Variants in KLHDC1 observed in about 807,000 individuals in gnomAD.
The protein encoded by KLHDC1 is kelch domain containing 1, also known as kelch domain-containing protein 1.
Under a neutral mutation model 68.3 loss-of-function variants are expected in KLHDC1, and 53 were observed. The ratio of observed to expected loss-of-function variants is 0.78; its 90% CI spans 0.62 to 0.98. The LOEUF (loss-of-function observed/expected upper bound fraction) is 0.98, where lower values mean the gene tolerates loss of function less well. Ranked by LOEUF, KLHDC1 falls within the 50% of genes least tolerant of loss-of-function variation. The pLI, the probability that KLHDC1 is intolerant of heterozygous loss-of-function variation, is 0.00. For synonymous variants in KLHDC1, 148 were observed against 159.0 expected, an observed-to-expected ratio of 0.93 and a Z score of 0.52; for missense variants, 470 against 492.3, an observed-to-expected ratio of 0.95 and a Z score of 0.43.
chr14:49,728,924 A>T lies in KLHDC1; in HGVS notation c.568-2A>T. The T allele has an allele frequency of 6.2e-7, 1 of 1,602,210 alleles. No individual in the cohort carries two copies. Among genetic ancestry groups the T allele is most frequent in the Non-Finnish European group, 8.6e-7 (1 of 1,169,100 alleles). ...GCAGTCTGTTCTGATTTCTACTTGCAGGGTGGAGTTCCACCACAGCCACGA... is the reference window on the plus strand; with the variant it reads ...GCAGTCTGTTCTGATTTCTACTTGCTGGGTGGAGTTCCACCACAGCCACGA... On this transcript the variant is annotated splice_acceptor_variant, in intron 6 of 12. Transcript: ENST00000359332. LOFTEE classifies it high-confidence loss of function.
In KLHDC1 at chr14:49,711,910, C is replaced by CTTTTTTTT. The variant is rs992092493; in HGVS notation, c.404+1549_404+1556dup. Among the ~76,000 whole-genome samples the CTTTTTTTT allele has an allele frequency of 7.0e-4, 54 of 76,612 alleles. 1 individual carries two copies. Among genetic ancestry groups the CTTTTTTTT allele is most frequent in the Non-Finnish European group, 9.1e-4 (34 of 37,472 alleles). The allele number at this position is 76,612 out of a possible 152,430, so 50.3% of individuals were successfully genotyped here. ...TTATATGTCTTTCTTTTTTCTTTTT[C>CTTTTTTTT]TTTTTTTTTTTTTTTTTTTTTTTTT... On this transcript the variant is annotated intron_variant, in intron 4 of 12. Coordinates refer to ENST00000359332, the MANE Select transcript of KLHDC1 (RefSeq NM_172193.3).
intron 2 of KLHDC1, among the ~76,000 whole-genome samples, 179 bp downstream of exon 2, chr14:49,709,408 T>C (rs1330356091): frequency 6.6e-6 from 1 of 152,200 alleles, no homozygotes; most frequent in Non-Finnish European, 1.5e-5. Flanking sequence ...TCTTCCCTGC[T>C]CCACTTTTTG....
At chr14:49,741,102 A>G (rs1166321637) in intron 11 of KLHDC1, among the ~76,000 whole-genome samples, 1 of 152,046 alleles carries the variant, frequency 6.6e-6, no homozygotes, top group Middle Eastern at 3.2e-3. Flanking sequence ...TCAAAGAAAT[A>G]TATATTTTTA....
chr14:49,717,340 G>A (rs1248155533), intron 4 of KLHDC1, among the ~76,000 whole-genome samples: 1 of 152,084 alleles, frequency 6.6e-6, no homozygotes, highest in Non-Finnish European at 1.5e-5. Flanking sequence ...AAGGAACAAG[G>A]GTTCCAGTTT....
rs1489659895 is a variant in KLHDC1 at position 49,693,779 on chromosome 14, CT to C, written c.96+490del. On this transcript the variant is annotated intron_variant, in intron 1 of 12. Coordinates refer to ENST00000359332, the MANE Select transcript of KLHDC1 (RefSeq NM_172193.3). ...TTTTTTTTTTTGAGATGGAGTTTCG[CT>C]CTTGTTGCCCAGGGCTGGAGTGCAA... Among the ~76,000 whole-genome samples the C allele has an allele frequency of 4.4e-4, 10 of 22,848 alleles. 1 individual carries two copies. The South Asian group carries it at 0.063, about 145-fold the overall frequency. The allele number at this position is 22,848 out of a possible 152,430, so 15.0% of individuals were successfully genotyped here.
In KLHDC1 at chr14:49,723,895, TG is replaced by T; in HGVS notation, c.429del (p.Cys144ValfsTer78). 6.3e-7 allele frequency: 1 copy of T among 1,599,400 alleles called. No individual in the cohort carries two copies. Among genetic ancestry groups the T allele is most frequent in the Non-Finnish European group, 8.6e-7 (1 of 1,169,358 alleles). On this transcript the variant is annotated frameshift_variant, in exon 5 of 13. Transcript: ENST00000359332. LOFTEE classifies it high-confidence loss of function. The part of the protein sequence containing the change: ...KDRLIYFGGY[G>X]CRRHSELQDC... ...TCAGACTAATATATTTTGGTGGTTA[TG>T]GGTGTAGGAGACACAGTGAACTCCA...
In KLHDC1 at chr14:49,739,733, T is replaced by C. The variant is rs550726899; in HGVS notation, c.897-365T>C. ...ATGAGAGAAAAAGGTTATAAAAATA[T>C]TGAAGGATATAGTAGAGTTATTAAG... On this transcript the variant is annotated intron_variant, in intron 10 of 12. Transcript: ENST00000359332. Among the ~76,000 whole-genome samples, 14 of 152,254 alleles carry C rather than the reference T, an allele frequency of 9.2e-5. No homozygotes were observed. In the South Asian group the frequency reaches 2.9e-3, roughly 32 times the overall value.
chr14:49,740,479 A>T (rs1260639431), intron 11 of KLHDC1, among the ~76,000 whole-genome samples: 1 of 152,096 alleles, frequency 6.6e-6, no homozygotes, highest in Non-Finnish European at 1.5e-5. Flanking sequence ...CTGGGACTAC[A>T]GGCACCTGCC....
In KLHDC1 at chr14:49,714,406, G is replaced by A. The variant is rs971631705; in HGVS notation, c.404+4025G>A. ...AACAATGGCTTGAACCCAGGAGGTG[G>A]AGGTTGCAGTGAGCCGAGATCGCGC... is the stretch of plus-strand genomic sequence containing the variant. On this transcript the variant is annotated intron_variant, in intron 4 of 12. Transcript: ENST00000359332. 3.3e-5 allele frequency among the ~76,000 whole-genome samples: 5 copies of A among 151,850 alleles called. No individual in the cohort carries two copies. In the East Asian group the frequency reaches 9.8e-4, roughly 30 times the overall value.
intron 11 of KLHDC1, among the ~76,000 whole-genome samples, chr14:49,741,310 A>ATTTTTTT (rs1399163727): frequency 1.4e-5 from 2 of 145,846 alleles, no homozygotes; most frequent in Admixed American, 6.9e-5. Flanking sequence ...CAAGTATATT[A>ATTTTTTT]TTATTTTTTT....
chr14:49,712,053 G>C (rs538909830), intron 4 of KLHDC1, among the ~76,000 whole-genome samples: 1 of 151,420 alleles, frequency 6.6e-6, no homozygotes, highest in African/African-American at 2.4e-5. Flanking sequence ...GAGTAGCTGG[G>C]ACGACAGGTG....
intron 11 of KLHDC1, among the ~76,000 whole-genome samples, chr14:49,743,170 G>A (rs963128406): frequency 5.3e-5 from 8 of 151,784 alleles, no homozygotes; most frequent in Non-Finnish European, 8.8e-5. Context: ...GCTGAGGCAG[G>A]TGGATCACCT....
intron 10 of KLHDC1, among the ~76,000 whole-genome samples, chr14:49,735,476 T>C (rs1467335263): frequency 1.3e-5 from 2 of 152,136 alleles, no homozygotes; most frequent in Non-Finnish European, 2.9e-5. Context: ...ATATTTATAT[T>C]TATTTTGGTA....
At chr14:49,698,211 A>G (rs1026716476) in intron 1 of KLHDC1, among the ~76,000 whole-genome samples, 8 of 152,090 alleles carry the variant, frequency 5.3e-5, no homozygotes, top group African/African-American at 1.9e-4. Flanking sequence ...AAATGAAAAT[A>G]TTTTTCCCCT....
Position 49,693,248 on chromosome 14 carries a change from C to T in KLHDC1, c.54C>T (p.Ala18=), listed in dbSNP as rs759415053. 8.0e-5 allele frequency: 126 copies of T among 1,571,332 alleles called. No homozygotes were observed. The South Asian group carries it at 1.3e-3, about 16-fold the overall frequency. The change falls in exon 1 of 13, where the codon GCC becomes GCT. Residue 18 remains alanine, a synonymous_variant. Coordinates refer to ENST00000359332, the MANE Select transcript of KLHDC1 (RefSeq NM_172193.3). ...CGGAGGAACGCAGCGGCCACTGCGC[C>T]GTGGTGGACGGAAACTTCCTCTACG... ...CVAEERSGHC[A]VVDGNFLYVW... is the part of the protein sequence containing the mutation.
chr14:49,697,170 C>T (rs1007927015), intron 1 of KLHDC1, among the ~76,000 whole-genome samples: 1 of 152,266 alleles, frequency 6.6e-6, no homozygotes, highest in Non-Finnish European at 1.5e-5. Context: ...CTCCTGACCT[C>T]GTGATCCGCC....
intron 4 of KLHDC1, among the ~76,000 whole-genome samples, chr14:49,713,819 TATATATATATATATATA>T (rs1566602768): frequency 0.013 from 37 of 2,812 alleles, 2 homozygotes; most frequent in Non-Finnish European, 0.038. Context: ...TATATATATA[TATATATATATATATATA>T]TATATATATA....
intron 12 of KLHDC1, among the ~76,000 whole-genome samples, chr14:49,748,471 C>A (rs1383633860): frequency 6.6e-6 from 1 of 151,942 alleles, no homozygotes; most frequent in Non-Finnish European, 1.5e-5. Context: ...AAGCAAAAAA[C>A]CCAGGTTTGG....
At chr14:49,743,123 G>C (rs1195131214) in intron 11 of KLHDC1, among the ~76,000 whole-genome samples, 2 of 149,420 alleles carry the variant, frequency 1.3e-5, no homozygotes, top group Non-Finnish European at 3.0e-5. Flanking sequence ...TGGGCTGGGT[G>C]CGGTGGCTCA....
Sources: gnomAD v4.1 joint callset for allele counts (sites outside exome capture counted in the v4.1 genomes callset) on GRCh38, gnomAD v4.1.1 for gene constraint, MANE v1.5 for transcripts, NCBI Gene and HGNC (gene_info 2026-07-23, HGNC 2026-07-21) for gene names.